ARHGAP6: variants seen among roughly 807,000 people sequenced by gnomAD.
ARHGAP6 encodes the protein rho GTPase-activating protein 6.
A neutral mutation model predicts 55.7 loss-of-function variants in ARHGAP6; 16 were observed. The observed-to-expected ratio is 0.29, with a 90% CI of 0.19 to 0.44. ARHGAP6 has a LOEUF of 0.44. Among genes scored for constraint, ARHGAP6 ranks in the 20% least tolerant of loss-of-function variants. The pLI is 1.00. For synonymous variants in ARHGAP6, 382 were observed against 360.9 expected (o/e 1.06, Z -0.66); for missense variants, 698 against 808.9 (o/e 0.86, Z 1.66).
rs368395125 is a variant in ARHGAP6 at position 11,176,922 on chromosome X, G to A, written c.1629+1178C>T. Among the ~76,000 whole-genome samples, 49 of 112,140 alleles carry A rather than the reference G, an allele frequency of 4.4e-4. No homozygotes were observed. The South Asian group carries it at 0.015, about 34-fold the overall frequency. On this transcript the variant is annotated intron_variant, in intron 8 of 12. Coordinates refer to ENST00000337414, the MANE Select transcript of ARHGAP6 (RefSeq NM_013427.3). ...TTCTCACACCCGTAAGGAGGAGGAC[G>A]AGAAGAAATGCAGAATTGCCTTTCT...
At chrX:11,179,711 T>C (rs1195445968) in intron 6 of ARHGAP6, among the ~76,000 whole-genome samples, 1 of 104,248 alleles carries the variant, frequency 9.6e-6, no homozygotes, top group Non-Finnish European at 1.9e-5. Flanking sequence ...ATACAATATA[T>C]GTATTGTATA....
intron 1 of ARHGAP6, among the ~76,000 whole-genome samples, chrX:11,345,467 A>T (rs1247685448): frequency 8.9e-6 from 1 of 112,738 alleles, no homozygotes; most frequent in Non-Finnish European, 1.9e-5. Flanking sequence ...ATACATAGAT[A>T]CTTGTTTTCG....
chrX:11,548,625 T>TA (rs1484898249), intron 1 of ARHGAP6, among the ~76,000 whole-genome samples: 27 of 86,371 alleles, frequency 3.1e-4, no homozygotes, highest in Admixed American at 3.0e-3. Flanking sequence ...TTTCTTTTTT[T>TA]TTTTTATTGA....
intron 1 of ARHGAP6, among the ~76,000 whole-genome samples, chrX:11,294,265 A>C (rs1311562746): frequency 1.8e-5 from 2 of 112,175 alleles, no homozygotes; most frequent in Non-Finnish European, 3.8e-5. Context: ...TCTGGAACTA[A>C]AATCTATCTT....
chrX:11,291,344 T>A (rs1322018177), intron 1 of ARHGAP6, among the ~76,000 whole-genome samples: 4 of 111,571 alleles, frequency 3.6e-5, no homozygotes. Flanking sequence ...GGTAACTCAC[T>A]ATCCAGTGGT....
chrX:11,549,253 CAG>C (rs1171369604), intron 1 of ARHGAP6, among the ~76,000 whole-genome samples: 1 of 111,766 alleles, frequency 8.9e-6, no homozygotes, highest in Non-Finnish European at 1.9e-5. Flanking sequence ...ACATCAAAAA[CAG>C]AGGCAACAGA....
At chrX:11,408,676 C>T (rs958484040) in intron 1 of ARHGAP6, among the ~76,000 whole-genome samples, 5 of 109,805 alleles carry the variant, frequency 4.6e-5, no homozygotes, top group Admixed American at 2.0e-4. Context: ...TAGAAATTGC[C>T]GTTCAGTGGG....
chrX:11,546,847 T>C (rs1444863100), intron 1 of ARHGAP6, among the ~76,000 whole-genome samples: 1 of 112,156 alleles, frequency 8.9e-6, no homozygotes, highest in Non-Finnish European at 1.9e-5. Context: ...GATAAATCAG[T>C]ATCAGGAAAC....
rs138607275 is a variant in ARHGAP6, at chrX:11,193,817, A to G, written c.820+3108T>C. Among the ~76,000 whole-genome samples, 182 of 112,694 alleles carry G rather than the reference A, an allele frequency of 1.6e-3. 2 individuals carry two copies. The East Asian group carries it at 0.02, about 12-fold the overall frequency. On this transcript the variant is annotated intron_variant, in intron 3 of 12. Transcript: ENST00000337414. ...CTAGCCCTTCCTTCCATGTTAATTC[A>G]AATTCTTGCTTCCTGCTGCTTTGTA... is the stretch of plus-strand genomic sequence containing the variant.
At chrX:11,441,392 T>C (rs1425866245) in intron 1 of ARHGAP6, among the ~76,000 whole-genome samples, 1 of 112,052 alleles carries the variant, frequency 8.9e-6, no homozygotes, top group Non-Finnish European at 1.9e-5. Flanking sequence ...ATCTCCTTGA[T>C]GTTTCCACAC....
chrX:11,253,439 G>A (rs2047448955), intron 2 of ARHGAP6, among the ~76,000 whole-genome samples: 1 of 111,390 alleles, frequency 9.0e-6, no homozygotes, highest in Admixed American at 9.5e-5. Flanking sequence ...ATCCTCCGTG[G>A]AAATGTTCTA....
At chrX:11,250,699 C>A (rs1332552673) in intron 2 of ARHGAP6, among the ~76,000 whole-genome samples, 1 of 111,654 alleles carries the variant, frequency 9.0e-6, no homozygotes, top group African/African-American at 3.3e-5. Flanking sequence ...CTGATTACAG[C>A]TGGGAGAATT....
chrX:11,501,094 C>T (rs2050673557), intron 1 of ARHGAP6, among the ~76,000 whole-genome samples: 1 of 112,090 alleles, frequency 8.9e-6, no homozygotes, highest in African/African-American at 3.2e-5. Flanking sequence ...CAACTCTGCC[C>T]TTGCCACAGG....
intron 2 of ARHGAP6, among the ~76,000 whole-genome samples, chrX:11,218,881 C>A (rs2046919744): frequency 9.2e-6 from 1 of 108,242 alleles, no homozygotes; most frequent in South Asian, 4.1e-4. Context: ...GGCTAGCAGT[C>A]TATTTTGTTT....
chrX:11,140,653 T>A (rs781741808), intron 12 of ARHGAP6, among the ~76,000 whole-genome samples: 34 of 106,910 alleles, frequency 3.2e-4, no homozygotes, highest in African/African-American at 1.1e-3. Context: ...CTCCCGCCCC[T>A]CCTCACCCCT....
chrX:11,289,442 A>AT (rs1007887155), intron 1 of ARHGAP6, among the ~76,000 whole-genome samples: 2 of 111,603 alleles, frequency 1.8e-5, no homozygotes, highest in Non-Finnish European at 3.8e-5. Flanking sequence ...CTACCCAGAG[A>AT]TTTTCAAGGA....
At chrX:11,245,945 C>A (rs752093306) in intron 2 of ARHGAP6, among the ~76,000 whole-genome samples, 97 of 111,656 alleles carry the variant, frequency 8.7e-4, no homozygotes, top group African/African-American at 2.9e-3. Flanking sequence ...TATAAAATGG[C>A]TTTGATAGTA....
intron 1 of ARHGAP6, among the ~76,000 whole-genome samples, chrX:11,593,055 T>A (rs189969033): frequency 4.4e-5 from 5 of 112,529 alleles, no homozygotes; most frequent in African/African-American, 1.6e-4. Context: ...CAGTTAGTTG[T>A]TTCCTAAACA....
chrX:11,597,489 T>G (rs2051916029), intron 1 of ARHGAP6, among the ~76,000 whole-genome samples: 1 of 111,867 alleles, frequency 8.9e-6, no homozygotes. Flanking sequence ...TTGGTAGTGA[T>G]AGTAGAGTAT....
Sources: allele counts gnomAD v4.1 joint callset (sites outside exome capture counted in the v4.1 genomes callset), GRCh38; gene constraint gnomAD v4.1.1; transcripts MANE v1.5; gene names NCBI Gene and HGNC (gene_info 2026-07-23, HGNC 2026-07-21).